The following C2CD2 variants were observed in gnomAD, a reference collection of about 807,000 sequenced individuals.
C2CD2 encodes the protein C2 domain-containing protein 2.
A neutral mutation model predicts 74.3 loss-of-function variants in C2CD2; 43 were observed. The ratio of observed to expected loss-of-function variants is 0.58; its 90% CI spans 0.45 to 0.75. The LOEUF (loss-of-function observed/expected upper bound fraction) is 0.75, where lower values mean the gene tolerates loss of function less well. Ranked by LOEUF, C2CD2 falls within the 30% of genes least tolerant of loss-of-function variation. C2CD2 has a pLI of 0.00. For synonymous variants in C2CD2, 422 were observed against 390.7 expected, an observed-to-expected ratio of 1.08 and a Z score of -0.94; for missense variants, 801 against 916.3, an observed-to-expected ratio of 0.87 and a Z score of 1.63.
intron 5 of C2CD2, among the ~76,000 whole-genome samples, chr21:41,917,833 G>A (rs1339471376): frequency 2.0e-5 from 3 of 152,130 alleles, no homozygotes; most frequent in African/African-American, 7.2e-5. Context: ...GCTTTCCCAG[G>A]TACCTTGGTC....
At chr21:41,941,499 A>G (rs1291968125) in intron 2 of C2CD2, among the ~76,000 whole-genome samples, 1 of 152,258 alleles carries the variant, frequency 6.6e-6, no homozygotes, top group Non-Finnish European at 1.5e-5. Flanking sequence ...AATTCTACAT[A>G]ACATCTACAT....
Position 41,912,403 on chromosome 21 carries a change from A to G in C2CD2, c.882T>C (p.Asp294=). The G allele has an allele frequency of 6.2e-7, 1 of 1,612,832 alleles. No homozygotes were observed. ...GGGTGCTGGAGAACCTCTGAACAGG[A>G]TCGTTCAGCTGCACGACGCACACTG... ...INAVCVVQLN[D]PVQRFSSTLT... is the part of the protein sequence containing the mutation. Residue 294 remains aspartate (D), a synonymous_variant, in exon 7 of 14, where the codon GAT becomes GAC. Coordinates refer to ENST00000380486, the MANE Select transcript of C2CD2 (RefSeq NM_015500.2).
intron 3 of C2CD2, among the ~76,000 whole-genome samples, chr21:41,920,172 C>T (rs986724010): frequency 4.6e-5 from 7 of 152,200 alleles, no homozygotes; most frequent in South Asian, 4.1e-4. Flanking sequence ...CTGTGACTGC[C>T]GCTAAGGCAG....
rs1381440206 is a variant in C2CD2 at position 41,903,682 on chromosome 21, C to T, written c.1433-1933G>A. Among the ~76,000 whole-genome samples the T allele has an allele frequency of 2.0e-5, 3 of 152,162 alleles. No homozygotes were observed. The highest frequency in any genetic ancestry group is 6.5e-5 in the Admixed American group (1 of 15,278). ...CACCAAGGGAGACGTGTCGGGAGCA[C>T]GTCCTCCTCACGCCAGGCCCAGTGC... On this transcript the variant is annotated intron_variant, in intron 11 of 13. Coordinates refer to ENST00000380486, the MANE Select transcript of C2CD2 (RefSeq NM_015500.2). This position sits in a 1 kb window ranked among gnomAD's most constrained non-coding sequence, Gnocchi z 4.5.
At position 41,887,514 on chromosome 21, in the gene C2CD2, A is replaced by G. The variant is rs1278344724; in HGVS notation, c.*1610T>C. 2.6e-5 allele frequency: 4 copies of G among 151,984 alleles called. No individual in the cohort carries two copies. In the South Asian group the frequency reaches 6.2e-4, roughly 24 times the overall value. 9.4% of individuals were successfully genotyped at this position (151,984 alleles called of 1,614,324 possible). A position where few individuals can be genotyped will look rare whatever the true frequency, so the allele number is the denominator to read the frequency against. On this transcript the variant is annotated 3_prime_UTR_variant, in exon 14 of 14. Transcript: ENST00000380486. ...TTTTACTAAAAAAGAAAAAAATCCTATAATTTTGGTTTTCATATAGGTTTT... is the reference window on the plus strand; with the variant it reads ...TTTTACTAAAAAAGAAAAAAATCCTGTAATTTTGGTTTTCATATAGGTTTT...
At chr21:41,912,652 A>G (rs1265856375) in intron 6 of C2CD2, among the ~76,000 whole-genome samples, 2 of 152,028 alleles carry the variant, frequency 1.3e-5, no homozygotes, top group Non-Finnish European at 2.9e-5. Context: ...CTCCACGCTC[A>G]GCTAATTTTT....
rs867971662 is a variant in C2CD2, at chr21:41,930,559, G to A, written c.379-8474C>T. Among the ~76,000 whole-genome samples, 7 of 149,334 alleles carry A rather than the reference G, an allele frequency of 4.7e-5. 1 individual carries two copies. The highest frequency in any genetic ancestry group is 6.8e-3 in the Middle Eastern group (2 of 294). On this transcript the variant is annotated intron_variant, in intron 2 of 13. Coordinates refer to ENST00000380486, the MANE Select transcript of C2CD2 (RefSeq NM_015500.2). ...CTACTAAAAATACAACAAATTAGCC[G>A]GGCGTGGTGACACGTGCCTGTAGTC... is the stretch of plus-strand genomic sequence containing the variant.
intron 12 of C2CD2, among the ~76,000 whole-genome samples, chr21:41,900,100 T>C (rs1256423262): frequency 6.6e-6 from 1 of 151,986 alleles, no homozygotes; most frequent in African/African-American, 2.4e-5. Context: ...AATCTCCCCG[T>C]CTCTACTTAA....
rs767600467 is a variant in C2CD2 at position 41,889,253 on chromosome 21, C to G, written c.1962G>C (p.Val654=). ...PGMSQSHNDL[V]FLEQPEGSRR... is the part of the protein sequence containing the mutation. ...GGGAACCCTCTGGCTGCTCCAGGAA[C>G]ACAAGGTCATTGTGTGACTGACTCA... is the stretch of plus-strand genomic sequence containing the variant. Residue 654 remains valine, a synonymous_variant, in exon 14 of 14, where the codon GTG becomes GTC. Coordinates refer to ENST00000380486, the MANE Select transcript of C2CD2 (RefSeq NM_015500.2). The G allele has an allele frequency of 5.0e-6, 8 of 1,613,918 alleles. No individual in the cohort carries two copies. Among genetic ancestry groups the G allele is most frequent in the Middle Eastern group, 1.7e-4 (1 of 5,992 alleles).
intron 1 of C2CD2, among the ~76,000 whole-genome samples, chr21:41,948,892 T>TTTTTTTTTTTTG (rs1569085148): frequency 8.6e-6 from 1 of 116,034 alleles, no homozygotes; most frequent in African/African-American, 3.7e-5. Context: ...TTTTTTTTTT[T>TTTTTTTTTTTTG]CTTTTTTTTT....
In C2CD2 at chr21:41,889,715, C is replaced by T. The variant is rs574372229; in HGVS notation, c.1871-371G>A. Reference sequence around the variant, plus strand: ...GTGGCGCGATCTTGGCTCACTGCAACCTCCACCTCCAGGTTCAAGCGATTC... The same window carrying T: ...GTGGCGCGATCTTGGCTCACTGCAATCTCCACCTCCAGGTTCAAGCGATTC... On this transcript the variant is annotated intron_variant, in intron 13 of 13. Transcript: ENST00000380486. Among the ~76,000 whole-genome samples, 3 of 151,862 alleles carry T rather than the reference C, an allele frequency of 2.0e-5. No homozygotes were observed. The East Asian group carries it at 5.8e-4, about 29-fold the overall frequency.
intron 13 of C2CD2, among the ~76,000 whole-genome samples, chr21:41,896,754 C>T (rs2064828946): frequency 8.1e-6 from 1 of 123,708 alleles, no homozygotes; most frequent in African/African-American, 3.1e-5. Flanking sequence ...TAAAAAAAGA[C>T]ATCCTCTATC....
At chr21:41,935,873 G>T (rs2146218634) in intron 2 of C2CD2, among the ~76,000 whole-genome samples, 1 of 152,202 alleles carries the variant, frequency 6.6e-6, no homozygotes, top group South Asian at 2.1e-4. Context: ...CTTGAATGGT[G>T]CTGGGAAAAC....
At chr21:41,890,800 C>A (rs962526371) in intron 13 of C2CD2, among the ~76,000 whole-genome samples, 1 of 152,136 alleles carries the variant, frequency 6.6e-6, no homozygotes, top group Non-Finnish European at 1.5e-5. Flanking sequence ...TGAGGGCAGT[C>A]GGAGAAACCT....
At chr21:41,944,539 A>AG (rs955707208) in intron 1 of C2CD2, among the ~76,000 whole-genome samples, 27 of 88,450 alleles carry the variant, frequency 3.1e-4, no homozygotes, top group Non-Finnish European at 4.9e-4. Flanking sequence ...AAAAAAAAAA[A>AG]AAAGAAAAGA....
At chr21:41,937,750 T>C (rs1463004022) in intron 2 of C2CD2, among the ~76,000 whole-genome samples, 2 of 152,212 alleles carry the variant, frequency 1.3e-5, no homozygotes, top group Non-Finnish European at 2.9e-5. Flanking sequence ...ATGTGGCAGA[T>C]ATACACAATG....
In C2CD2 at chr21:41,886,482, T is replaced by C. The variant is rs1416213572; in HGVS notation, c.*2642A>G. On this transcript the variant is annotated 3_prime_UTR_variant, in exon 14 of 14. Transcript: ENST00000380486. Reference sequence around the variant, plus strand: ...GGTGCTACCCTGAAGCTAGCCGACGTGTTGCCTTTGCCTTTGCTTCATAAA... The same window carrying C: ...GGTGCTACCCTGAAGCTAGCCGACGCGTTGCCTTTGCCTTTGCTTCATAAA... 2 of 152,184 alleles carry C rather than the reference T, an allele frequency of 1.3e-5. No homozygotes were observed. The highest frequency in any genetic ancestry group is 2.9e-5 in the Non-Finnish European group (2 of 68,042). The allele number at this position is 152,184 out of a possible 1,614,324, so 9.4% of individuals were successfully genotyped here.
chr21:41,911,899 G>A (rs192708456), intron 7 of C2CD2, among the ~76,000 whole-genome samples: 1 of 152,178 alleles, frequency 6.6e-6, no homozygotes, highest in Admixed American at 6.5e-5. Context: ...AAGAGGTCTC[G>A]CTATGTTGCT....
intron 2 of C2CD2, among the ~76,000 whole-genome samples, chr21:41,927,366 A>C (rs1314678165): frequency 6.6e-6 from 1 of 152,154 alleles, no homozygotes; most frequent in African/African-American, 2.4e-5. Context: ...GGGTTTCACC[A>C]TGTTGGCCAG....
Sources: gnomAD v4.1 joint callset for allele counts (sites outside exome capture counted in the v4.1 genomes callset) on GRCh38, gnomAD v4.1.1 for gene constraint, Gnocchi (gnomAD v3.1) non-coding constraint, MANE v1.5 for transcripts, NCBI Gene and HGNC (gene_info 2026-07-23, HGNC 2026-07-21) for gene names.